The following CTH variants were observed in gnomAD, a reference collection of about 807,000 sequenced individuals.
CTH encodes the protein cystathionine gamma-lyase.
CTH carries 41 observed loss-of-function variants against 50.6 expected under a neutral mutation model. That is an observed-to-expected ratio of 0.81 (90% CI 0.63 to 1.05). The LOEUF (loss-of-function observed/expected upper bound fraction) is 1.05. Among genes scored for constraint, CTH ranks in the 50% least tolerant of loss-of-function variants. The probability of loss-of-function intolerance (pLI) is 0.00; values close to 1 mark genes in which losing one functional copy is unlikely to be tolerated. For synonymous variants in CTH, 156 were observed against 168.9 expected (o/e 0.92, Z 0.59); for missense variants, 470 against 492.6 (o/e 0.95, Z 0.43).
chr1:70,424,192 T>A, intron 4 of CTH, 93 bp from the exon 5 acceptor site: 1 of 1,601,310 alleles, frequency 6.2e-7, no homozygotes, highest in Non-Finnish European at 8.5e-7. Flanking sequence ...GTTTCCATTA[T>A]ACAATGTAGC....
intron 8 of CTH, among the ~76,000 whole-genome samples, 167 bp from the exon 9 acceptor site, chr1:70,433,661 T>C (rs1288497991): frequency 6.6e-6 from 1 of 151,976 alleles, no homozygotes; most frequent in Non-Finnish European, 1.5e-5. Flanking sequence ...TGAGGCAACA[T>C]GAAGCTGGAG....
chr1:70,416,123 A>T (rs1684086661), intron 2 of CTH, 86 bp downstream of exon 2: 1 of 861,670 alleles, frequency 1.2e-6, no homozygotes, highest in Admixed American at 1.9e-5. Context: ...AACTGAAAAG[A>T]AACAGATTTG....
intron 2 of CTH, 95 bp from the exon 3 acceptor site, chr1:70,417,842 T>C: frequency 7.3e-7 from 1 of 1,362,506 alleles, no homozygotes; most frequent in East Asian, 2.4e-5. Context: ...GATGGCTTCC[T>C]ATCTGCATTA....
intron 3 of CTH, among the ~76,000 whole-genome samples, chr1:70,418,436 G>A (rs886414591): frequency 6.6e-6 from 1 of 152,108 alleles, no homozygotes; most frequent in Non-Finnish European, 1.5e-5. Flanking sequence ...TTTTTGTAGA[G>A]ACGGGGTTTC....
At chr1:70,418,394 C>T (rs924795892) in intron 3 of CTH, among the ~76,000 whole-genome samples, 1 of 152,066 alleles carries the variant, frequency 6.6e-6, no homozygotes, top group African/African-American at 2.4e-5. Context: ...GGACCCCAGG[C>T]GCATGCCACC....
chr1:70,411,597 G>A lies in CTH; in HGVS notation c.168+14G>A, dbSNP rs1181855800. On this transcript the variant is annotated intron_variant, in intron 1 of 11. Coordinates refer to ENST00000370938, the MANE Select transcript of CTH (RefSeq NM_001902.6). Reference sequence around the variant, plus strand: ...GGCCAGCACTCGGTGAGCTGGGTCTGTCTGGGGCTGTCCACAGTTGGGCGG... The same window carrying A: ...GGCCAGCACTCGGTGAGCTGGGTCTATCTGGGGCTGTCCACAGTTGGGCGG... The A allele has an allele frequency of 3.7e-6, 6 of 1,611,348 alleles. No individual in the cohort carries two copies. The highest frequency in any genetic ancestry group is 5.1e-6 in the Non-Finnish European group (6 of 1,177,994).
chr1:70,434,615 A>C (rs1370628501), intron 9 of CTH, among the ~76,000 whole-genome samples: 3 of 151,360 alleles, frequency 2.0e-5, no homozygotes, highest in African/African-American at 7.3e-5. Context: ...TTTTTCCCCT[A>C]TTCCAGCAGG....
At chr1:70,427,868 A>AC (rs1447772790) in intron 5 of CTH, among the ~76,000 whole-genome samples, 2 of 151,398 alleles carry the variant, frequency 1.3e-5, no homozygotes, top group East Asian at 3.9e-4. Context: ...TTCCACCACC[A>AC]CCCCCCGCTA....
intron 5 of CTH, among the ~76,000 whole-genome samples, chr1:70,428,014 G>T (rs1007956062): frequency 6.6e-6 from 1 of 152,090 alleles, no homozygotes; most frequent in Non-Finnish European, 1.5e-5. Flanking sequence ...CTCCCGGCTT[G>T]ACAGTGTTTT....
chr1:70,439,253 C>T lies in CTH; in HGVS notation c.*126C>T. On this transcript the variant is annotated 3_prime_UTR_variant, in exon 12 of 12. Coordinates refer to ENST00000370938, the MANE Select transcript of CTH (RefSeq NM_001902.6). ...AATTTTAAGGCACCTCATTATCTTT[C>T]ATAACTGTAATTTTCTTAGGGATCA... 2.4e-6 allele frequency: 2 copies of T among 840,104 alleles called. No individual in the cohort carries two copies. Among genetic ancestry groups the T allele is most frequent in the South Asian group, 1.4e-5 (1 of 71,478 alleles). 52.0% of individuals were successfully genotyped at this position (840,104 alleles called of 1,614,324 possible). A position where few individuals can be genotyped will look rare whatever the true frequency, so the allele number is the denominator to read the frequency against.
At chr1:70,422,609 C>CTTTTTTTTT (rs57429096) in intron 4 of CTH, among the ~76,000 whole-genome samples, 1 of 127,180 alleles carries the variant, frequency 7.9e-6, no homozygotes. Flanking sequence ...TGGTCTGAGT[C>CTTTTTTTTT]TTTTTTTTTT....
intron 5 of CTH, among the ~76,000 whole-genome samples, chr1:70,426,322 G>C (rs1232144297): frequency 2.6e-5 from 4 of 151,994 alleles, no homozygotes; most frequent in Non-Finnish European, 5.9e-5. Flanking sequence ...CTTCCTGCCT[G>C]TACCTTGTCA....
At chr1:70,424,539 T>C (rs1684304241) in intron 5 of CTH, 123 bp downstream of exon 5, 25 of 1,506,148 alleles carry the variant, frequency 1.7e-5, no homozygotes, top group Non-Finnish European at 2.3e-5. Flanking sequence ...TAATTAATTA[T>C]TTACTGGATC....
chr1:70,430,145 T>A (rs981063211), intron 6 of CTH, among the ~76,000 whole-genome samples, 172 bp from the exon 7 acceptor site: 1 of 152,242 alleles, frequency 6.6e-6, no homozygotes, highest in African/African-American at 2.4e-5. Flanking sequence ...GTTTTAGACA[T>A]AGCTTTTGCT....
chr1:70,430,364 CT>C lies in CTH; in HGVS notation c.696del (p.His233IlefsTer27). The C allele has an allele frequency of 6.3e-7, 1 of 1,597,172 alleles. No homozygotes were observed. Among genetic ancestry groups the C allele is most frequent in the Non-Finnish European group, 8.6e-7 (1 of 1,164,868 alleles). On this transcript the variant is annotated frameshift_variant, in exon 7 of 12. Coordinates refer to ENST00000370938, the MANE Select transcript of CTH (RefSeq NM_001902.6). LOFTEE classifies it high-confidence loss of function. The stretch of plus-strand genomic sequence containing the variant: ...CCTGGTGTCTGTTAATTGTGAAAGC[CT>C]TCATAATAGACTTCGTTTCTTGCAA... Reference protein sequence around the residue: ...MGLVSVNCESLHNRLRFLQNS... With the variant: ...MGLVSVNCESXHNRLRFLQNS...
At chr1:70,413,613 G>T (rs1684023215) in intron 1 of CTH, among the ~76,000 whole-genome samples, 1 of 151,862 alleles carries the variant, frequency 6.6e-6, no homozygotes, top group African/African-American at 2.4e-5. Flanking sequence ...AGGGTTTAAT[G>T]AAAGTGTAGC....
intron 5 of CTH, among the ~76,000 whole-genome samples, chr1:70,428,477 ATT>A (rs932789618): frequency 5.3e-5 from 8 of 152,234 alleles, no homozygotes; most frequent in African/African-American, 1.9e-4. Context: ...TTACACATGT[ATT>A]GAGCATCACA....
intron 3 of CTH, 108 bp downstream of exon 3, chr1:70,418,140 T>C: frequency 7.4e-7 from 1 of 1,359,898 alleles, no homozygotes; most frequent in East Asian, 2.5e-5. Context: ...TTATTTATTA[T>C]AGTTTACAGG....
Position 70,438,698 on chromosome 1 carries a change from A to T in CTH, c.1063A>T (p.Thr355Ser), listed in dbSNP as rs1684650237. The change falls in exon 11 of 12, where the codon ACT (threonine) becomes TCT (serine). Residue 355 changes from threonine to serine, a missense_variant. By Grantham distance (58) the Thr-to-Ser change is moderately conservative. Transcript: ENST00000370938. ...ESLAELPAIMTHASVLKNDRD... is the reference protein window; with the variant it reads ...ESLAELPAIMSHASVLKNDRD... The stretch of plus-strand genomic sequence containing the variant: ...CATGTCTTCTTTCAGGGCAATCATG[A>T]CTCATGCATCAGTTCTTAAGAATGA... 3 of 1,614,004 alleles carry T rather than the reference A, an allele frequency of 1.9e-6. No individual in the cohort carries two copies. Among genetic ancestry groups the T allele is most frequent in the Non-Finnish European group, 2.5e-6 (3 of 1,179,984 alleles).
Sources: allele counts gnomAD v4.1 joint callset (sites outside exome capture counted in the v4.1 genomes callset), GRCh38; gene constraint gnomAD v4.1.1; transcripts MANE v1.5; gene names NCBI Gene and HGNC (gene_info 2026-07-23, HGNC 2026-07-21).